The following HYCC1 variants were observed in gnomAD, a reference collection of about 807,000 sequenced individuals.
HYCC1 encodes the protein hyccin PI4KA lipid kinase complex subunit 1, also known as hyccin.
At chr7:22,968,716 C>T in the HYCC1 span, among the ~76,000 whole-genome samples, 7 of 152,034 alleles carry the variant, frequency 4.6e-5, no homozygotes, top group Non-Finnish European at 7.4e-5. Flanking sequence ...GGGCCTGGCA[C>T]GGTGGCTCAC....
the HYCC1 span, among the ~76,000 whole-genome samples, chr7:23,007,865 G>T: frequency 3.3e-5 from 5 of 152,064 alleles, no homozygotes; most frequent in Non-Finnish European, 5.9e-5. Flanking sequence ...GGTACATTAA[G>T]AGGGCATGTG....
At chr7:22,987,416 T>G in the HYCC1 span, among the ~76,000 whole-genome samples, 1 of 152,106 alleles carries the variant, frequency 6.6e-6, no homozygotes, top group Non-Finnish European at 1.5e-5. Flanking sequence ...GGCATGGTGG[T>G]GCACACCTGT....
At chr7:22,923,471 T>A in the HYCC1 span, among the ~76,000 whole-genome samples, 2 of 151,930 alleles carry the variant, frequency 1.3e-5, no homozygotes, top group South Asian at 4.2e-4. Flanking sequence ...CTCAAATCAA[T>A]AACCTAATCT....
At chr7:22,947,955 T>C in the HYCC1 span, among the ~76,000 whole-genome samples, 1 of 152,098 alleles carries the variant, frequency 6.6e-6, no homozygotes, top group Admixed American at 6.6e-5. Flanking sequence ...TTTAGTTCAT[T>C]ACTAGACTAG....
the HYCC1 span, among the ~76,000 whole-genome samples, chr7:22,921,819 C>T: frequency 5.9e-5 from 9 of 152,160 alleles, no homozygotes; most frequent in East Asian, 1.9e-4. Context: ...GAGAAACCTT[C>T]AAGCCAAGTT....
At chr7:22,928,917 A>G in the HYCC1 span, among the ~76,000 whole-genome samples, 1 of 152,158 alleles carries the variant, frequency 6.6e-6, no homozygotes, top group African/African-American at 2.4e-5. Context: ...AGCTGGAGGC[A>G]TCATGCTACC....
At chr7:22,913,456 C>T in the HYCC1 span, among the ~76,000 whole-genome samples, 4 of 152,192 alleles carry the variant, frequency 2.6e-5, no homozygotes, top group Admixed American at 2.6e-4. Flanking sequence ...ATACCCGGCA[C>T]AGTAGGAGTG....
At chr7:22,960,224 T>C in the HYCC1 span, 1 of 1,599,762 alleles carries the variant, frequency 6.3e-7, no homozygotes, top group East Asian at 2.2e-5. Flanking sequence ...GAATCAACAA[T>C]GGTTTGACTT....
the HYCC1 span, among the ~76,000 whole-genome samples, chr7:22,922,502 C>T: frequency 1.2e-3 from 180 of 152,324 alleles, no homozygotes; most frequent in Middle Eastern, 6.8e-3. Context: ...CCTGGCATCA[C>T]AAGAGAGTAC....
At chr7:22,927,702 CA>C in the HYCC1 span, among the ~76,000 whole-genome samples, 1 of 152,032 alleles carries the variant, frequency 6.6e-6, no homozygotes, top group Non-Finnish European at 1.5e-5. Flanking sequence ...AATAGCTTCC[CA>C]ACTAAAAAAA....
the HYCC1 span, among the ~76,000 whole-genome samples, chr7:22,953,659 T>C: frequency 6.6e-6 from 1 of 151,878 alleles, no homozygotes; most frequent in Non-Finnish European, 1.5e-5. Context: ...TCTTTTTTCC[T>C]TGAGTAATCT....
At chr7:23,001,805 T>A in the HYCC1 span, among the ~76,000 whole-genome samples, 1 of 152,092 alleles carries the variant, frequency 6.6e-6, no homozygotes, top group East Asian at 1.9e-4. Context: ...GTGACTGAAG[T>A]TGAAATGCCA....
the HYCC1 span, among the ~76,000 whole-genome samples, chr7:22,993,701 C>CACACAT: frequency 6.6e-6 from 1 of 152,020 alleles, no homozygotes; most frequent in Non-Finnish European, 1.5e-5. Flanking sequence ...CACACACACA[C>CACACAT]ACACATACAC....
At chr7:22,992,548 G>A in the HYCC1 span, among the ~76,000 whole-genome samples, 14 of 152,064 alleles carry the variant, frequency 9.2e-5, no homozygotes, top group Non-Finnish European at 1.0e-4. Flanking sequence ...TAAGTTTTCA[G>A]TACTAGGAAA....
the HYCC1 span, among the ~76,000 whole-genome samples, chr7:22,989,137 T>C: frequency 6.6e-6 from 1 of 152,174 alleles, no homozygotes; most frequent in East Asian, 1.9e-4. Flanking sequence ...CTGTCGACAT[T>C]TGCTTTTGCA....
chr7:22,912,487 ACACT>A, the HYCC1 span, among the ~76,000 whole-genome samples: 1 of 152,186 alleles, frequency 6.6e-6, no homozygotes, highest in Admixed American at 6.5e-5. Flanking sequence ...CCTCCACCTA[ACACT>A]CACACATAAA....
the HYCC1 span, chr7:22,939,769 T>C: frequency 6.6e-6 from 1 of 152,190 alleles, no homozygotes; most frequent in African/African-American, 2.4e-5. Context: ...CTAGGTGACC[T>C]TAGCCAAGTC....
the HYCC1 span, chr7:22,946,067 C>T: frequency 1.2e-6 from 2 of 1,613,596 alleles, no homozygotes; most frequent in African/African-American, 2.7e-5. Context: ...GTTTGATAAA[C>T]CCGACTGGCT....
chr7:22,928,618 C>G, the HYCC1 span, among the ~76,000 whole-genome samples: 1 of 152,064 alleles, frequency 6.6e-6, no homozygotes, highest in African/African-American at 2.4e-5. Context: ...ACCTAGGAAT[C>G]CAACTTACAA....
Sources: gnomAD v4.1 joint callset for allele counts (sites outside exome capture counted in the v4.1 genomes callset) on GRCh38, gnomAD v4.1.1 for gene constraint, MANE v1.5 for transcripts, NCBI Gene and HGNC (gene_info 2026-07-23, HGNC 2026-07-21) for gene names.